RNASEH1: variants seen among roughly 807,000 people sequenced by gnomAD.
The protein encoded by RNASEH1 is ribonuclease H1.
RNASEH1 carries 27 observed loss-of-function variants against 34.6 expected under a neutral mutation model. That is an observed-to-expected ratio of 0.78 (90% CI 0.58 to 1.08). The LOEUF is 1.08. Ranked by LOEUF, RNASEH1 falls within the 50% of genes least tolerant of loss-of-function variation. RNASEH1 has a pLI of 0.00. For missense variants in RNASEH1, 349 were observed against 373.6 expected (o/e 0.93, Z 0.54); for synonymous variants, 162 against 138.4 (o/e 1.17, Z -1.20).
In RNASEH1 at chr2:3,543,862, C is replaced by T. The variant is rs1668510019; in HGVS notation, c.*1923G>A. Reference sequence around the variant, plus strand: ...CTCCTGGGTTCATGTGATCCTCCAGCCTCAGCCTCCCAAAGTGCTGGGATT... The same window carrying T: ...CTCCTGGGTTCATGTGATCCTCCAGTCTCAGCCTCCCAAAGTGCTGGGATT... On this transcript the variant is annotated 3_prime_UTR_variant, in exon 8 of 8. Coordinates refer to ENST00000315212, the MANE Select transcript of RNASEH1 (RefSeq NM_002936.6). Among the ~76,000 whole-genome samples the T allele has an allele frequency of 6.6e-6, 1 of 152,138 alleles. No homozygotes were observed. The highest frequency in any genetic ancestry group is 2.4e-5 in the African/African-American group (1 of 41,426).
Position 3,551,783 on chromosome 2 carries a change from G to C in RNASEH1, c.409+361C>G, listed in dbSNP as rs946543779. On this transcript the variant is annotated intron_variant, in intron 3 of 7. Transcript: ENST00000315212. ...TGTTTTCCAAAGATTGAATATGAAA[G>C]GTTAAAATGCTGGTGCTAATCAATT... Among the ~76,000 whole-genome samples, 2 of 152,282 alleles carry C rather than the reference G, an allele frequency of 1.3e-5. 1 individual carries two copies. The highest frequency in any genetic ancestry group is 2.9e-5 in the Non-Finnish European group (2 of 68,024).
At chr2:3,550,575 AT>A in intron 3 of RNASEH1, 103 bp from the exon 4 acceptor site, 1 of 852,378 alleles carries the variant, frequency 1.2e-6, no homozygotes, top group Non-Finnish European at 2.0e-6. Flanking sequence ...CCGAGAGGGT[AT>A]TTTACAACGC....
chr2:3,545,680 C>T lies in RNASEH1; in HGVS notation c.*105G>A, dbSNP rs550359891. On this transcript the variant is annotated 3_prime_UTR_variant, in exon 8 of 8. Transcript: ENST00000315212. ...GATTCCGTGTGAAAGACGCATCTGC[C>T]CATCACTGCAATGGTCCTACCTGCA... 27 of 759,830 alleles carry T rather than the reference C, an allele frequency of 3.6e-5. 1 individual carries two copies. Among genetic ancestry groups the T allele is most frequent in the South Asian group, 3.4e-4 (24 of 70,706 alleles). The allele number at this position is 759,830 out of a possible 1,614,324, so 47.1% of individuals were successfully genotyped here.
chr2:3,542,732 T>C lies in RNASEH1; in HGVS notation c.*3053A>G, dbSNP rs1380416166. Among the ~76,000 whole-genome samples the C allele has an allele frequency of 6.6e-6, 1 of 152,214 alleles. No individual in the cohort carries two copies. The highest frequency in any genetic ancestry group is 1.9e-4 in the East Asian group (1 of 5,200). ...AAGGGATGGATATTCCATGCCATTGTCCTGTGTCTTGAGAAGCAGGATTCC... is the reference window on the plus strand; with the variant it reads ...AAGGGATGGATATTCCATGCCATTGCCCTGTGTCTTGAGAAGCAGGATTCC... On this transcript the variant is annotated 3_prime_UTR_variant, in exon 8 of 8. Transcript: ENST00000315212.
At position 3,544,233 on chromosome 2, in the gene RNASEH1, C is replaced by T. The variant is rs76050731; in HGVS notation, c.*1552G>A. 0.032 allele frequency among the ~76,000 whole-genome samples: 4,848 copies of T among 152,188 alleles called. 132 individuals are homozygous for T. The highest frequency in any genetic ancestry group is 0.046 in the Non-Finnish European group (3,098 of 68,008). On this transcript the variant is annotated 3_prime_UTR_variant, in exon 8 of 8. Transcript: ENST00000315212. ...TACTTTCCTGAGGAAAGCTCCTAAC[C>T]GCCTGTTCTCCTGCCAAAGGGATCA...
chr2:3,554,087 C>G (rs1005310324), intron 2 of RNASEH1, among the ~76,000 whole-genome samples: 1 of 152,178 alleles, frequency 6.6e-6, no homozygotes, highest in Non-Finnish European at 1.5e-5. Context: ...AAGAAAATGT[C>G]CAGCCTAGTG....
chr2:3,538,650 G>T (rs1297925467), downstream of RNASEH1, among the ~76,000 whole-genome samples: 1 of 152,124 alleles, frequency 6.6e-6, no homozygotes, highest in Non-Finnish European at 1.5e-5. Context: ...TTCCACGGCC[G>T]CTTCAGGTCC....
At chr2:3,536,041 C>T in the RNASEH1 span, among the ~76,000 whole-genome samples, 18 of 152,218 alleles carry the variant, frequency 1.2e-4, no homozygotes, top group African/African-American at 4.3e-4. Context: ...TGCCCCAAGA[C>T]AGGGCGGTCG....
chr2:3,536,036 C>A, the RNASEH1 span, among the ~76,000 whole-genome samples: 45 of 152,300 alleles, frequency 3.0e-4, 1 homozygote, highest in Middle Eastern at 3.4e-3. Context: ...GTCACTGCCC[C>A]AAGACAGGGC....
rs1668541981 is a variant in RNASEH1, at chr2:3,544,246, G to A, written c.*1539C>T. On this transcript the variant is annotated 3_prime_UTR_variant, in exon 8 of 8. Transcript: ENST00000315212. The stretch of plus-strand genomic sequence containing the variant: ...AAAGCTCCTAACCGCCTGTTCTCCT[G>A]CCAAAGGGATCAAATTTGAGGCTCA... Among the ~76,000 whole-genome samples, 1 of 152,082 alleles carries A rather than the reference G, an allele frequency of 6.6e-6. No homozygotes were observed. The highest frequency in any genetic ancestry group is 2.1e-4 in the South Asian group (1 of 4,822).
At chr2:3,536,504 G>C (rs1339166734), downstream of RNASEH1, among the ~76,000 whole-genome samples, 1 of 152,148 alleles carries the variant, frequency 6.6e-6, no homozygotes, top group Non-Finnish European at 1.5e-5. Context: ...GCCTGCTTGG[G>C]GAAACCCACC....
chr2:3,553,050 C>T (rs1660134811), intron 2 of RNASEH1, among the ~76,000 whole-genome samples: 1 of 152,014 alleles, frequency 6.6e-6, no homozygotes, highest in African/African-American at 2.4e-5. Context: ...GAGTTCAAGA[C>T]CAGCCTGGTC....
chr2:3,544,801 G>C lies in RNASEH1; in HGVS notation c.*984C>G, dbSNP rs1234779192. ...TACTTTTTTTTTTTTTTGAGACAGA[G>C]TCTCACTCTGTTGCCCAGGATGGAG... On this transcript the variant is annotated 3_prime_UTR_variant, in exon 8 of 8. Transcript: ENST00000315212. The C allele has an allele frequency of 6.7e-6, 1 of 149,428 alleles. No homozygotes were observed. Among genetic ancestry groups the C allele is most frequent in the East Asian group, 2.0e-4 (1 of 5,092 alleles). 9.3% of individuals were successfully genotyped at this position (149,428 alleles called of 1,614,324 possible). A position where few individuals can be genotyped will look rare whatever the true frequency, so the allele number is the denominator to read the frequency against.
At chr2:3,540,699 G>A (rs535678183), downstream of RNASEH1, among the ~76,000 whole-genome samples, 24 of 152,190 alleles carry the variant, frequency 1.6e-4, no homozygotes, top group East Asian at 3.9e-3. Context: ...GAGCCACTGC[G>A]CCCAGCCAAC....
chr2:3,552,444 G>A (rs1660042050), intron 2 of RNASEH1, 136 bp from the exon 3 acceptor site: 5 of 754,020 alleles, frequency 6.6e-6, no homozygotes, highest in East Asian at 3.1e-5. Context: ...GCCCTACAAC[G>A]AGGGAAACGA....
In RNASEH1 at chr2:3,558,199, C is replaced by A; in HGVS notation, c.62G>T (p.Gly21Val). Residue 21 changes from glycine (G) to valine (V), a missense_variant, in exon 1 of 8, where the codon GGC becomes GTC. Physicochemically the swap from Gly to Val is moderately radical, Grantham distance 109. Coordinates refer to ENST00000315212, the MANE Select transcript of RNASEH1 (RefSeq NM_002936.6). ...ATAGAACATCCCGAACCCGCGAGAG[C>A]CGCGGCGGCAGGGCAAGGCGGCCAA... Reference protein sequence around the residue: ...VALAALPCRRGSRGFGMFYAV... With the variant: ...VALAALPCRRVSRGFGMFYAV... The A allele has an allele frequency of 6.2e-7, 1 of 1,601,374 alleles. No individual in the cohort carries two copies. The highest frequency in any genetic ancestry group is 8.5e-7 in the Non-Finnish European group (1 of 1,175,702).
At position 3,542,943 on chromosome 2, in the gene RNASEH1, A is replaced by C. The variant is rs1416053518; in HGVS notation, c.*2842T>G. Among the ~76,000 whole-genome samples the C allele has an allele frequency of 5.3e-5, 8 of 152,234 alleles. No individual in the cohort carries two copies. ...AATAATGACCAACGCAATAGCAATGAGCATCCTAAACTGGATCTGAAATAC... is the reference window on the plus strand; with the variant it reads ...AATAATGACCAACGCAATAGCAATGCGCATCCTAAACTGGATCTGAAATAC... On this transcript the variant is annotated 3_prime_UTR_variant, in exon 8 of 8. Transcript: ENST00000315212.
chr2:3,547,926 C>T lies in RNASEH1; in HGVS notation c.774+5G>A, dbSNP rs1668911127. ...CCATAGGACATGAACATTTAAGATA[C>T]TCACCCACTGAATGTCCATCCCCTG... is the stretch of plus-strand genomic sequence containing the variant. On this transcript the variant is annotated splice_donor_5th_base_variant and intron_variant, in intron 7 of 7. Transcript: ENST00000315212. 2.5e-6 allele frequency: 4 copies of T among 1,613,568 alleles called. No homozygotes were observed. The highest frequency in any genetic ancestry group is 1.7e-5 in the Admixed American group (1 of 60,004).
At chr2:3,552,335 C>A (rs1030917524) in intron 2 of RNASEH1, 27 bp from the exon 3 acceptor site, 2 of 1,605,366 alleles carry the variant, frequency 1.2e-6, no homozygotes, top group Non-Finnish European at 1.7e-6. Context: ...CACTCGTGAG[C>A]TGGAAACAAT....
Sources: gnomAD v4.1 joint callset for allele counts (sites outside exome capture counted in the v4.1 genomes callset) on GRCh38, gnomAD v4.1.1 for gene constraint, MANE v1.5 for transcripts, NCBI Gene and HGNC (gene_info 2026-07-23, HGNC 2026-07-21) for gene names.